The following PDE10A variants were observed in gnomAD, a reference collection of about 807,000 sequenced individuals.
PDE10A encodes the protein phosphodiesterase 10A.
Under a neutral mutation model 97.7 loss-of-function variants are expected in PDE10A, and 39 were observed. The ratio of observed to expected loss-of-function variants is 0.40; its 90% CI spans 0.31 to 0.52. The LOEUF is 0.52. PDE10A is among the 20% of genes least tolerant of loss of function. The pLI is 0.56. For synonymous variants in PDE10A, 371 were observed against 376.8 expected, an observed-to-expected ratio of 0.98 and a Z score of 0.18; for missense variants, 731 against 1,047.8, an observed-to-expected ratio of 0.70 and a Z score of 4.17.
At chr6:165,746,312 T>A (rs1270106713) in intron 1 of PDE10A, among the ~76,000 whole-genome samples, 2 of 152,214 alleles carry the variant, frequency 1.3e-5, no homozygotes, top group African/African-American at 4.8e-5. Flanking sequence ...TGTTGACACT[T>A]GCGTGGGGTA....
At chr6:165,869,255 C>T (rs1781135518) in intron 1 of PDE10A, among the ~76,000 whole-genome samples, 1 of 151,558 alleles carries the variant, frequency 6.6e-6, no homozygotes. Context: ...TTGCAGAATA[C>T]AAAATCAACA....
chr6:165,637,234 T>C (rs1359395890), intron 1 of PDE10A, among the ~76,000 whole-genome samples: 1 of 152,134 alleles, frequency 6.6e-6, no homozygotes, highest in Non-Finnish European at 1.5e-5. Context: ...ACCAGCTTGC[T>C]CAGTGGAACG....
chr6:165,575,832 T>A (rs948983439), intron 1 of PDE10A, among the ~76,000 whole-genome samples: 1 of 152,214 alleles, frequency 6.6e-6, no homozygotes, highest in African/African-American at 2.4e-5. Context: ...AATATCATTA[T>A]CTCAGTCTTC....
intron 2 of PDE10A, among the ~76,000 whole-genome samples, chr6:165,506,865 T>C (rs1259597562): frequency 6.6e-6 from 1 of 152,170 alleles, no homozygotes; most frequent in African/African-American, 2.4e-5. Flanking sequence ...CAAAGACTTA[T>C]CTCTTCGCCC....
At chr6:165,624,850 A>C (rs1418562676) in intron 1 of PDE10A, among the ~76,000 whole-genome samples, 1 of 152,234 alleles carries the variant, frequency 6.6e-6, no homozygotes, top group Non-Finnish European at 1.5e-5. Context: ...AAATAAAGGT[A>C]CAGAGCAGGT....
At position 165,331,835 on chromosome 6, in the gene PDE10A, T is replaced by C. The variant is rs913376083; in HGVS notation, c.*1190A>G. On this transcript the variant is annotated 3_prime_UTR_variant, in exon 22 of 22. Coordinates refer to ENST00000539869, the MANE Select transcript of PDE10A (RefSeq NM_001385079.1). ...AAACCCACAGGCTTCTATGGAGTGA[T>C]CTGATCTGTGAGAAGAGTAAAGAGA... The C allele has an allele frequency of 3.3e-5, 5 of 152,214 alleles. No homozygotes were observed. Among genetic ancestry groups the C allele is most frequent in the Non-Finnish European group, 5.9e-5 (4 of 68,042 alleles). The allele number at this position is 152,214 out of a possible 1,614,324, so 9.4% of individuals were successfully genotyped here.
chr6:165,460,473 G>A (rs1778253682), intron 3 of PDE10A, among the ~76,000 whole-genome samples: 1 of 152,168 alleles, frequency 6.6e-6, no homozygotes, highest in Non-Finnish European at 1.5e-5. Flanking sequence ...GCAGCTTATT[G>A]GGTAAATCAA....
chr6:165,556,860 C>G (rs1277241919), intron 1 of PDE10A, among the ~76,000 whole-genome samples: 8 of 152,068 alleles, frequency 5.3e-5, no homozygotes, highest in African/African-American at 1.4e-4. Context: ...AAATTCTGAG[C>G]CGGGTGCAGT....
intron 1 of PDE10A, among the ~76,000 whole-genome samples, chr6:165,816,241 G>A (rs933305555): frequency 5.3e-5 from 8 of 152,160 alleles, no homozygotes; most frequent in Non-Finnish European, 1.0e-4. Flanking sequence ...GAGCCACTGC[G>A]CCTGGCCCAG....
chr6:165,552,100 C>T (rs2128330211), intron 1 of PDE10A, among the ~76,000 whole-genome samples: 1 of 152,332 alleles, frequency 6.6e-6, no homozygotes. Flanking sequence ...GCCACACACT[C>T]TCCACTCACT....
chr6:165,504,544 G>T (rs1003231999), intron 2 of PDE10A, among the ~76,000 whole-genome samples: 1 of 152,122 alleles, frequency 6.6e-6, no homozygotes, highest in Admixed American at 6.6e-5. Flanking sequence ...TGTGCTTAGA[G>T]ACAGTCATTC....
intron 2 of PDE10A, among the ~76,000 whole-genome samples, chr6:165,512,908 T>C (rs1014640690): frequency 1.3e-5 from 2 of 152,040 alleles, no homozygotes; most frequent in Non-Finnish European, 2.9e-5. Context: ...TGCATTTCCA[T>C]AGTAACTAAT....
At chr6:165,554,695 G>A (rs1298715133) in intron 1 of PDE10A, among the ~76,000 whole-genome samples, 4 of 152,104 alleles carry the variant, frequency 2.6e-5, no homozygotes, top group East Asian at 3.9e-4. Flanking sequence ...TCAGTATATC[G>A]ATGAGATACC....
At chr6:165,501,339 A>G (rs1780869196) in intron 2 of PDE10A, among the ~76,000 whole-genome samples, 2 of 152,280 alleles carry the variant, frequency 1.3e-5, no homozygotes, top group African/African-American at 4.8e-5. Flanking sequence ...AGGCAGGCAG[A>G]TCACGAGGTC....
intron 18 of PDE10A, among the ~76,000 whole-genome samples, chr6:165,376,663 C>T (rs1458721321): frequency 6.6e-6 from 1 of 152,258 alleles, no homozygotes; most frequent in South Asian, 2.1e-4. Flanking sequence ...GCCTGTAATC[C>T]CAGTTACTCA....
chr6:165,788,038 T>C (rs1250153380), intron 1 of PDE10A, among the ~76,000 whole-genome samples: 2 of 152,238 alleles, frequency 1.3e-5, no homozygotes, highest in African/African-American at 4.8e-5. Context: ...TATTTATTAA[T>C]ATTACACAAT....
At chr6:165,651,847 T>C (rs1789702068) in intron 1 of PDE10A, among the ~76,000 whole-genome samples, 1 of 152,206 alleles carries the variant, frequency 6.6e-6, no homozygotes, top group South Asian at 2.1e-4. Context: ...ATAATCTATT[T>C]TTATTTTTTT....
At chr6:165,626,746 A>G (rs1194788148) in intron 1 of PDE10A, among the ~76,000 whole-genome samples, 1 of 151,880 alleles carries the variant, frequency 6.6e-6, no homozygotes, top group Non-Finnish European at 1.5e-5. Flanking sequence ...GAGAAGGGGA[A>G]AGCGAGGTGG....
chr6:165,574,498 T>G (rs1276073303), intron 1 of PDE10A, among the ~76,000 whole-genome samples: 1 of 152,194 alleles, frequency 6.6e-6, no homozygotes, highest in Non-Finnish European at 1.5e-5. Flanking sequence ...AACTGTCTCA[T>G]AAAAACTATT....
Sources: gnomAD v4.1 joint callset for allele counts (sites outside exome capture counted in the v4.1 genomes callset) on GRCh38, gnomAD v4.1.1 for gene constraint, MANE v1.5 for transcripts, NCBI Gene and HGNC (gene_info 2026-07-23, HGNC 2026-07-21) for gene names.